MYH7B: variants seen among roughly 807,000 people sequenced by gnomAD.
The protein encoded by MYH7B is myosin-7B.
In MYH7B, 205 loss-of-function variants were observed where a neutral mutation model predicts 234.5. That is an observed-to-expected ratio of 0.87 (90% confidence interval 0.78 to 0.98). MYH7B has a LOEUF of 0.98. MYH7B is among the 50% of genes least tolerant of loss of function. MYH7B has a pLI of 0.00. For synonymous variants in MYH7B, 1,193 were observed against 1,105.0 expected, an observed-to-expected ratio of 1.08 and a Z score of -1.58; for missense variants, 2,652 against 2,633.4, an observed-to-expected ratio of 1.01 and a Z score of -0.15.
chr20:34,990,465 C>A, intron 22 of MYH7B, 155 bp downstream of exon 22: 2 of 959,356 alleles, frequency 2.1e-6, no homozygotes, highest in Non-Finnish European at 3.4e-6. Flanking sequence ...CAAGTCTGTG[C>A]TGCTTCCCGT....
Position 34,986,005 on chromosome 20 carries a change from A to G in MYH7B, c.806-95A>G, listed in dbSNP as rs940013363. 5 of 1,087,998 alleles carry G rather than the reference A, an allele frequency of 4.6e-6. No individual in the cohort carries two copies. In the African/African-American group the frequency reaches 6.2e-5, roughly 14 times the overall value. The allele number at this position is 1,087,998 out of a possible 1,614,324, so 67.4% of individuals were successfully genotyped here. On this transcript the variant is annotated intron_variant, in intron 13 of 44. Coordinates refer to ENST00000262873, the Ensembl canonical transcript of MYH7B. ...AGGTGCAGATGCAGCCCCCCTGCAC[A>G]CTCCCTGCCCACCTCTCTCCCTCCG...
chr20:34,998,666 G>A (rs773698456), intron 34 of MYH7B, 37 bp downstream of exon 34: 1 of 1,612,516 alleles, frequency 6.2e-7, no homozygotes, highest in South Asian at 1.1e-5. Context: ...TGGGCAGGTG[G>A]GCACCAGAGC....
chr20:35,001,885 G>C, intron 43 of MYH7B, 63 bp from the exon 44 acceptor site: 1 of 1,567,866 alleles, frequency 6.4e-7, no homozygotes, highest in Non-Finnish European at 8.7e-7. Context: ...TTGGACTGGG[G>C]CAGGGACCAG....
chr20:34,963,071 C>G (rs2081713025), intron 2 of MYH7B, among the ~76,000 whole-genome samples: 2 of 152,224 alleles, frequency 1.3e-5, no homozygotes, highest in Admixed American at 6.5e-5. Context: ...GCACTCCAGC[C>G]TGGGTGACAG....
intron 2 of MYH7B, among the ~76,000 whole-genome samples, chr20:34,963,012 C>T (rs959769422): frequency 6.6e-6 from 1 of 152,214 alleles, no homozygotes; most frequent in Admixed American, 6.5e-5. Flanking sequence ...GGCAGAGAAT[C>T]GCTTGAACCC....
intron 9 of MYH7B, chr20:34,981,377 C>G (rs1401126195): frequency 3.0e-6 from 1 of 332,228 alleles, no homozygotes; most frequent in Non-Finnish European, 5.5e-6. Flanking sequence ...TCAGGGGCAG[C>G]GGAAAGATTC....
chr20:34,970,343 C>G (rs1225385914), intron 2 of MYH7B, among the ~76,000 whole-genome samples: 1 of 152,226 alleles, frequency 6.6e-6, no homozygotes, highest in Middle Eastern at 3.2e-3. Context: ...TTGTCTCATA[C>G]CCATGTGCCC....
exon 42 of MYH7B, chr20:35,001,253 G>A (rs774936867): frequency 1.9e-6 from 3 of 1,610,728 alleles, no homozygotes; most frequent in African/African-American, 2.7e-5. Flanking sequence ...AGGTACGGGA[G>A]CTGGAGGCTG....
chr20:34,979,975 C>T, intron 7 of MYH7B, 171 bp downstream of exon 7: 3 of 194,338 alleles, frequency 1.5e-5, no homozygotes, highest in Non-Finnish European at 1.7e-5. Flanking sequence ...AGCGATGAGG[C>T]GGGGCTCTGA....
At chr20:34,985,802 C>T (rs568305188) in intron 13 of MYH7B, among the ~76,000 whole-genome samples, 1 of 152,232 alleles carries the variant, frequency 6.6e-6, no homozygotes, top group South Asian at 2.1e-4. Context: ...GCCACACACG[C>T]ACACACGCTG....
At chr20:34,998,385 G>A (rs757368319) in exon 33 of MYH7B, 31 of 1,613,468 alleles carry the variant, frequency 1.9e-5, no homozygotes, top group Non-Finnish European at 2.4e-5. Context: ...GCTGGCGGAC[G>A]CAAGCACGCA....
At chr20:34,962,826 A>G (rs1359551497) in intron 2 of MYH7B, among the ~76,000 whole-genome samples, 1 of 152,158 alleles carries the variant, frequency 6.6e-6, no homozygotes, top group Non-Finnish European at 1.5e-5. Flanking sequence ...GGCCGGGTGC[A>G]GTGGCTCACG....
chr20:34,961,457 A>G (rs1407632116), intron 2 of MYH7B, among the ~76,000 whole-genome samples: 1 of 152,188 alleles, frequency 6.6e-6, no homozygotes, highest in African/African-American at 2.4e-5. Flanking sequence ...GACTCTCCTG[A>G]TTTGGTGTTT....
At chr20:35,002,225 C>CTGT (rs1344699499) in exon 45 of MYH7B, 6 of 1,504,520 alleles carry the variant, frequency 4.0e-6, no homozygotes, top group East Asian at 4.6e-5. Context: ...GGAATGTCTG[C>CTGT]TGTTGCACAT....
At chr20:34,994,433 C>T (rs374798681) in intron 27 of MYH7B, 32 bp downstream of exon 27, 7 of 1,537,866 alleles carry the variant, frequency 4.6e-6, no homozygotes, top group African/African-American at 4.1e-5. Flanking sequence ...GACCGGGCGT[C>T]CCCAGCCCCG....
At position 34,974,654 on chromosome 20, in the gene MYH7B, C is replaced by A. The variant is rs1217287331; in HGVS notation, c.-221-746C>A. 2.0e-5 allele frequency among the ~76,000 whole-genome samples: 3 copies of A among 152,110 alleles called. No individual in the cohort carries two copies. In the East Asian group the frequency reaches 5.8e-4, roughly 29 times the overall value. On this transcript the variant is annotated intron_variant, in intron 2 of 44. Coordinates refer to ENST00000262873, the Ensembl canonical transcript of MYH7B. ...GATTCTCCAGGCTAATTCTGTTGGT[C>A]CCTGACAAGAAACCCTACCTTCTGA...
intron 3 of MYH7B, among the ~76,000 whole-genome samples, chr20:34,977,201 C>T (rs1315766643): frequency 6.6e-6 from 1 of 151,974 alleles, no homozygotes; most frequent in East Asian, 1.9e-4. Flanking sequence ...TGAGACTTGG[C>T]CAATGCTTTC....
rs76110461 is a variant in MYH7B, at chr20:34,964,502, C to A, written c.-222+6290C>A. ...TGACAACTCTAGATGTGGGAGAGGA[C>A]GGTTGTCACCTTGAAACTAGTGATG... On this transcript the variant is annotated intron_variant, in intron 2 of 44. Coordinates refer to ENST00000262873, the Ensembl canonical transcript of MYH7B. Among the ~76,000 whole-genome samples, 7 of 152,238 alleles carry A rather than the reference C, an allele frequency of 4.6e-5. No homozygotes were observed. In the South Asian group the frequency reaches 1.5e-3, roughly 32 times the overall value.
Position 34,995,870 on chromosome 20 carries a change from A to G in MYH7B, c.2943+292A>G, listed in dbSNP as rs139412064. Among the ~76,000 whole-genome samples the G allele has an allele frequency of 2.6e-5, 4 of 152,336 alleles. No individual in the cohort carries two copies. The East Asian group carries it at 7.7e-4, about 29-fold the overall frequency. Reference sequence around the variant, plus strand: ...CAATCCTCATCCATCCCGGAGTGCAAGCCCCTTGAGGGCAGGAACTCCATG... The same window carrying G: ...CAATCCTCATCCATCCCGGAGTGCAGGCCCCTTGAGGGCAGGAACTCCATG... On this transcript the variant is annotated intron_variant, in intron 28 of 44. Transcript: ENST00000262873.
Sources: allele counts gnomAD v4.1 joint callset (sites outside exome capture counted in the v4.1 genomes callset), GRCh38; gene constraint gnomAD v4.1.1; transcripts MANE v1.5; gene names NCBI Gene and HGNC (gene_info 2026-07-23, HGNC 2026-07-21).